Variants in KPNA1 observed in about 807,000 individuals in gnomAD.
KPNA1 encodes the protein karyopherin subunit alpha 1, also known as importin subunit alpha-5.
In KPNA1, 10 loss-of-function variants were observed where a neutral mutation model predicts 70.5. That is an observed-to-expected ratio of 0.14 (90% CI 0.09 to 0.24). The LOEUF (loss-of-function observed/expected upper bound fraction) is 0.24. KPNA1 is among the 10% of genes least tolerant of loss of function. The pLI is 1.00. For missense variants in KPNA1, 397 were observed against 637.9 expected, an observed-to-expected ratio of 0.62 and a Z score of 4.07; for synonymous variants, 192 against 221.9, an observed-to-expected ratio of 0.87 and a Z score of 1.20.
intron 3 of KPNA1, among the ~76,000 whole-genome samples, chr3:122,464,996 G>T (rs980949018): frequency 1.3e-5 from 2 of 152,116 alleles, no homozygotes; most frequent in African/African-American, 4.8e-5. Flanking sequence ...GATTTGTTAT[G>T]AATATGTTTG....
At chr3:122,430,058 G>T (rs990863530) in intron 12 of KPNA1, among the ~76,000 whole-genome samples, 1 of 151,724 alleles carries the variant, frequency 6.6e-6, no homozygotes, top group Non-Finnish European at 1.5e-5. Context: ...TATCTCAACT[G>T]TATTTTTATT....
rs2076414081 is a variant in KPNA1 at position 122,469,179 on chromosome 3, C to G, written c.130-1750G>C. On this transcript the variant is annotated intron_variant, in intron 2 of 13. Transcript: ENST00000344337. ...TTAAAAGCTAAAAAAAGCCAGTGCC[C>G]TTATACAAAGGCTGGAATCTAACAA... 2.6e-5 allele frequency among the ~76,000 whole-genome samples: 4 copies of G among 152,122 alleles called. 1 individual carries two copies. The highest frequency in any genetic ancestry group is 2.0e-4 in the Admixed American group (3 of 15,274).
intron 1 of KPNA1, among the ~76,000 whole-genome samples, chr3:122,513,251 A>G (rs938066381): frequency 2.6e-5 from 4 of 152,258 alleles, no homozygotes. Flanking sequence ...CAGATACTTC[A>G]GATTCAAATG....
At chr3:122,497,072 C>A (rs73190157) in intron 1 of KPNA1, among the ~76,000 whole-genome samples, 1,574 of 152,290 alleles carry the variant, frequency 0.01, 16 homozygotes, top group Non-Finnish European at 0.016. Context: ...GCTTGTACAA[C>A]CTTCATCATA....
chr3:122,427,320 A>G, intron 13 of KPNA1, 148 bp from the exon 14 acceptor site: 1 of 746,458 alleles, frequency 1.3e-6, no homozygotes, highest in Non-Finnish European at 2.1e-6. Flanking sequence ...GTATTTTATA[A>G]TAGCACAGAA....
chr3:122,479,813 G>A (rs2076550213), intron 2 of KPNA1, among the ~76,000 whole-genome samples: 1 of 151,916 alleles, frequency 6.6e-6, no homozygotes, highest in African/African-American at 2.4e-5. Flanking sequence ...ATACTCCTTT[G>A]TATTCATCAA....
At chr3:122,442,445 G>C (rs1174398224) in intron 9 of KPNA1, among the ~76,000 whole-genome samples, 1 of 152,130 alleles carries the variant, frequency 6.6e-6, no homozygotes, top group Non-Finnish European at 1.5e-5. Flanking sequence ...TATGGTTGCT[G>C]AGATAATTGA....
intron 1 of KPNA1, among the ~76,000 whole-genome samples, chr3:122,500,474 A>G (rs2076814967): frequency 6.6e-6 from 1 of 151,286 alleles, no homozygotes; most frequent in African/African-American, 2.4e-5. Flanking sequence ...CAAGGTCACT[A>G]GTAATGTCTC....
intron 9 of KPNA1, among the ~76,000 whole-genome samples, chr3:122,444,471 G>A (rs2076108881): frequency 6.6e-6 from 1 of 152,216 alleles, no homozygotes; most frequent in African/African-American, 2.4e-5. Flanking sequence ...TTCAGAGACT[G>A]CAGTAGACAC....
chr3:122,452,837 CAG>C (rs370772767), intron 6 of KPNA1, among the ~76,000 whole-genome samples: 187 of 151,494 alleles, frequency 1.2e-3, no homozygotes, highest in African/African-American at 3.8e-3. Flanking sequence ...GAGAGAAAGA[CAG>C]AAAGAAAAAA....
At chr3:122,437,393 T>A in intron 10 of KPNA1, 98 bp from the exon 11 acceptor site, 1 of 843,110 alleles carries the variant, frequency 1.2e-6, no homozygotes. Flanking sequence ...ACATCTCCCC[T>A]TGAAATTTTA....
At position 122,425,313 on chromosome 3, in the gene KPNA1, G is replaced by A. The variant is rs1388647408; in HGVS notation, c.*1672C>T. 1 of 152,620 alleles carries A rather than the reference G, an allele frequency of 6.6e-6. No individual in the cohort carries two copies. The highest frequency in any genetic ancestry group is 1.9e-4 in the East Asian group (1 of 5,196). 9.5% of individuals were successfully genotyped at this position (152,620 alleles called of 1,614,324 possible). ...TCTGAATATCCCTTACATTCAGCAG[G>A]ATTTACCAGAGATGTATAATAGCTT... On this transcript the variant is annotated 3_prime_UTR_variant, in exon 14 of 14. Transcript: ENST00000344337.
Position 122,425,680 on chromosome 3 carries a change from A to G in KPNA1, c.*1305T>C, listed in dbSNP as rs539730150. ...GCAGGTACAGATTGCAGTCATCATT[A>G]AATGAGCCAGAAGGCAGATACTGTT... On this transcript the variant is annotated 3_prime_UTR_variant, in exon 14 of 14. Coordinates refer to ENST00000344337, the MANE Select transcript of KPNA1 (RefSeq NM_002264.4). The G allele has an allele frequency of 6.5e-6, 1 of 152,824 alleles. No homozygotes were observed. The highest frequency in any genetic ancestry group is 2.1e-4 in the South Asian group (1 of 4,826). 9.5% of individuals were successfully genotyped at this position (152,824 alleles called of 1,614,324 possible).
chr3:122,505,209 A>AT (rs1444681467), intron 1 of KPNA1, among the ~76,000 whole-genome samples: 2 of 151,418 alleles, frequency 1.3e-5, no homozygotes, highest in Admixed American at 6.6e-5. Flanking sequence ...AGGATGAGGC[A>AT]TAAGTATGGC....
intron 2 of KPNA1, among the ~76,000 whole-genome samples, chr3:122,486,634 C>A (rs1370288129): frequency 2.0e-5 from 3 of 151,964 alleles, no homozygotes; most frequent in African/African-American, 7.2e-5. Flanking sequence ...GTCGCCCAGG[C>A]TGGAGTGCAG....
chr3:122,463,103 G>A (rs1028968731), intron 4 of KPNA1, among the ~76,000 whole-genome samples: 2 of 152,104 alleles, frequency 1.3e-5, no homozygotes. Flanking sequence ...TGTAATCCCA[G>A]CACTTTGGGA....
chr3:122,424,138 T>C lies in KPNA1; in HGVS notation c.*2847A>G, dbSNP rs2075791169. ...CCACCAAAGTTCTCATTACAAATAA[T>C]ATAGATTGGAAGTTTGGAGGATGGA... On this transcript the variant is annotated 3_prime_UTR_variant, in exon 14 of 14. Coordinates refer to ENST00000344337, the MANE Select transcript of KPNA1 (RefSeq NM_002264.4). The C allele has an allele frequency of 1.3e-5, 2 of 152,154 alleles. 1 individual carries two copies. The highest frequency in any genetic ancestry group is 4.1e-4 in the South Asian group (2 of 4,832). The allele number at this position is 152,154 out of a possible 1,614,324, so 9.4% of individuals were successfully genotyped here. A position where few individuals can be genotyped will look rare whatever the true frequency, so the allele number is the denominator to read the frequency against.
At chr3:122,472,690 T>G (rs993838435) in intron 2 of KPNA1, among the ~76,000 whole-genome samples, 1 of 152,076 alleles carries the variant, frequency 6.6e-6, no homozygotes, top group Admixed American at 6.6e-5. Flanking sequence ...TCTAGCCAAG[T>G]AGACTAACAA....
intron 8 of KPNA1, among the ~76,000 whole-genome samples, chr3:122,451,255 T>C (rs989079050): frequency 2.0e-5 from 3 of 152,218 alleles, no homozygotes; most frequent in Non-Finnish European, 4.4e-5. Context: ...ACTAATTGTA[T>C]GAAGCCTAAT....
Sources: gnomAD v4.1 joint callset for allele counts (sites outside exome capture counted in the v4.1 genomes callset) on GRCh38, gnomAD v4.1.1 for gene constraint, MANE v1.5 for transcripts, NCBI Gene and HGNC (gene_info 2026-07-23, HGNC 2026-07-21) for gene names.